Variants in POLE2 observed in about 807,000 individuals in gnomAD.
POLE2 encodes the protein DNA polymerase epsilon 2, accessory subunit.
Under a neutral mutation model 79.4 loss-of-function variants are expected in POLE2, and 56 were observed. That is an observed-to-expected ratio of 0.71 (90% confidence interval 0.57 to 0.88). POLE2 has a LOEUF of 0.88. POLE2 is among the 40% of genes least tolerant of loss of function. The pLI is 0.00. For synonymous variants in POLE2, 212 were observed against 214.0 expected (o/e 0.99, Z 0.08); for missense variants, 598 against 638.9 (o/e 0.94, Z 0.69).
At chr14:49,687,300 C>CCACACACACACACACACCACA (rs1887215557) in intron 1 of POLE2, among the ~76,000 whole-genome samples, 3 of 139,744 alleles carry the variant, frequency 2.1e-5, no homozygotes, top group Non-Finnish European at 3.1e-5. Context: ...TACACACACA[C>CCACACACACACACACACCACA]CACACACACA....
At position 49,663,396 on chromosome 14, in the gene POLE2, A is replaced by G; in HGVS notation, c.683-9T>C. On this transcript the variant is annotated splice_polypyrimidine_tract_variant and intron_variant, in intron 9 of 18. Coordinates refer to ENST00000216367, the MANE Select transcript of POLE2 (RefSeq NM_002692.4). ...TTGATCTTCAAACCAACCTGAAAAA[A>G]AGTAACGTCACTTTCATTTGTCTAA... The G allele has an allele frequency of 6.3e-7, 1 of 1,596,404 alleles. No homozygotes were observed. The highest frequency in any genetic ancestry group is 1.1e-5 in the South Asian group (1 of 89,250).
chr14:49,669,418 G>C, intron 6 of POLE2, 106 bp downstream of exon 6: 1 of 672,632 alleles, frequency 1.5e-6, no homozygotes, highest in Non-Finnish European at 2.6e-6. Flanking sequence ...TAGCTAAACA[G>C]TTACCAATAG....
chr14:49,679,774 C>T lies in POLE2; in HGVS notation c.196G>A (p.Val66Met), dbSNP rs368181624. ...CATTCCTGGACTGCTGCTTCCACCACAGATCGTTCAATCATGTTTGATGAC... is the reference window on the plus strand; with the variant it reads ...CATTCCTGGACTGCTGCTTCCACCATAGATCGTTCAATCATGTTTGATGAC... ...PLSSNMIERS[V>M]VEAAVQECSQ... Residue 66 changes from valine (V) to methionine (M), a missense_variant, in exon 3 of 19, where the codon GTG becomes ATG. Coordinates refer to ENST00000216367, the MANE Select transcript of POLE2 (RefSeq NM_002692.4). The T allele has an allele frequency of 7.5e-6, 12 of 1,604,140 alleles. No homozygotes were observed. The Admixed American group carries it at 8.4e-5, about 11-fold the overall frequency.
intron 5 of POLE2, among the ~76,000 whole-genome samples, chr14:49,670,508 T>A (rs549934888): frequency 6.6e-6 from 1 of 151,922 alleles, no homozygotes; most frequent in Non-Finnish European, 1.5e-5. Context: ...GTCCATATAG[T>A]TTAGGTAGGA....
intron 2 of POLE2, among the ~76,000 whole-genome samples, chr14:49,680,945 T>C (rs1052710895): frequency 1.3e-5 from 2 of 152,212 alleles, no homozygotes; most frequent in Admixed American, 6.5e-5. Flanking sequence ...TGTTCAACTG[T>C]AAAGGAATTT....
chr14:49,669,743 A>C, intron 5 of POLE2, 145 bp from the exon 6 acceptor site: 1 of 595,926 alleles, frequency 1.7e-6, no homozygotes, highest in East Asian at 2.8e-5. Context: ...ACATAATTTA[A>C]CATACAAATA....
rs769513508 is a variant in POLE2, at chr14:49,664,655, T to C, written c.653A>G (p.Tyr218Cys). ...TGCTAAGACAAAGCATGCCTCTGTGTATAAACCACTATGGAACTGGTACAC... is the reference window on the plus strand; with the variant it reads ...TGCTAAGACAAAGCATGCCTCTGTGCATAAACCACTATGGAACTGGTACAC... ...LSKAQFHSGL[Y>C]TEACFVLAEG... The change falls in exon 9 of 19, where the codon TAC becomes TGC. Residue 218 changes from tyrosine (Y) to cysteine (C), a missense_variant. Coordinates refer to ENST00000216367, the MANE Select transcript of POLE2 (RefSeq NM_002692.4). The C allele has an allele frequency of 1.9e-6, 3 of 1,593,696 alleles. No homozygotes were observed. In the South Asian group the frequency reaches 3.3e-5, roughly 18 times the overall value.
At chr14:49,643,714 T>C (rs1415227065) in intron 18 of POLE2, 44 bp from the exon 19 acceptor site, 7 of 986,032 alleles carry the variant, frequency 7.1e-6, no homozygotes, top group Non-Finnish European at 1.1e-5. Context: ...ACCTAAGTTG[T>C]ATACTTACTA....
At chr14:49,686,776 C>T (rs45482695) in intron 1 of POLE2, among the ~76,000 whole-genome samples, 2 of 152,200 alleles carry the variant, frequency 1.3e-5, no homozygotes, top group Non-Finnish European at 1.5e-5. Context: ...AAATTCTAAG[C>T]GAAAAGAAAG....
Position 49,676,085 on chromosome 14 carries a change from A to G in POLE2, c.246-1658T>C, listed in dbSNP as rs147938413. ...AATGTTATGCAGAAGTGTCCCAGGA[A>G]AAGTTACACAATGGAAAAAGAGCTC... On this transcript the variant is annotated intron_variant, in intron 3 of 18. Coordinates refer to ENST00000216367, the MANE Select transcript of POLE2 (RefSeq NM_002692.4). 6.3e-3 allele frequency among the ~76,000 whole-genome samples: 964 copies of G among 152,296 alleles called. 14 individuals carry two copies. Among genetic ancestry groups the G allele is most frequent in the African/African-American group, 0.022 (894 of 41,568 alleles).
rs35984833 is a variant in POLE2, at chr14:49,682,640, GAA to G, written c.169+951_169+952del. On this transcript the variant is annotated intron_variant, in intron 2 of 18. Coordinates refer to ENST00000216367, the MANE Select transcript of POLE2 (RefSeq NM_002692.4). ...CGACAGTGCAAGACTCCTTCTCAGG[GAA>G]AAAAAAAAAAAAAAAAAAAAAAAAG... Among the ~76,000 whole-genome samples, 130 of 60,962 alleles carry G rather than the reference GAA, an allele frequency of 2.1e-3. 3 individuals are homozygous for G. The highest frequency in any genetic ancestry group is 5.8e-3 in the African/African-American group (101 of 17,432). 40.0% of individuals were successfully genotyped at this position (60,962 alleles called of 152,430 possible). A position where few individuals can be genotyped will look rare whatever the true frequency, so the allele number is the denominator to read the frequency against.
chr14:49,667,864 T>C (rs1885597250), intron 6 of POLE2, among the ~76,000 whole-genome samples: 1 of 152,118 alleles, frequency 6.6e-6, no homozygotes. Context: ...AAATAATTCA[T>C]GTTTACTATA....
At chr14:49,648,181 C>T (rs559396364) in intron 17 of POLE2, among the ~76,000 whole-genome samples, 87 of 152,314 alleles carry the variant, frequency 5.7e-4, no homozygotes, top group African/African-American at 1.9e-3. Flanking sequence ...GAAACTCTCA[C>T]GTGGCTGAGC....
chr14:49,683,659 A>T lies in POLE2; in HGVS notation c.103T>A (p.Ser35Thr). ...TCTTCAAGCTCTAATTCACTGATAG[A>T]CTGAAGAGCTTCTGTGAGGTACTTA... is the stretch of plus-strand genomic sequence containing the variant. ...AIKYLTEALQ[S>T]ISELELEDKL... The change falls in exon 2 of 19, where the codon TCT (serine) becomes ACT (threonine). Residue 35 changes from serine (S) to threonine (T), a missense_variant. By Grantham distance (58) the Ser-to-Thr change is moderately conservative. Coordinates refer to ENST00000216367, the MANE Select transcript of POLE2 (RefSeq NM_002692.4). 6.3e-7 allele frequency: 1 copy of T among 1,592,266 alleles called. No individual in the cohort carries two copies. The highest frequency in any genetic ancestry group is 1.7e-5 in the Admixed American group (1 of 59,680).
chr14:49,650,353 C>T lies in POLE2; in HGVS notation c.1409G>A (p.Arg470Lys). Reference sequence around the variant, plus strand: ...AAGTAGATCGGGCACAGGATACACTCTCAAAGCATAGTCATATGCCCAATA... The same window carrying T: ...AAGTAGATCGGGCACAGGATACACTTTCAAAGCATAGTCATATGCCCAATA... ...PVYWAYDYAL[R>K]VYPVPDLLVI... Residue 470 changes from arginine to lysine, a missense_variant, in exon 17 of 19, where the codon AGA becomes AAA. Coordinates refer to ENST00000216367, the MANE Select transcript of POLE2 (RefSeq NM_002692.4). 1 of 1,611,000 alleles carries T rather than the reference C, an allele frequency of 6.2e-7. No individual in the cohort carries two copies. The highest frequency in any genetic ancestry group is 1.1e-5 in the South Asian group (1 of 90,754).
intron 10 of POLE2, among the ~76,000 whole-genome samples, chr14:49,656,885 G>A (rs986458436): frequency 2.0e-5 from 3 of 152,140 alleles, no homozygotes; most frequent in East Asian, 1.9e-4. Flanking sequence ...GAGGTGGGGG[G>A]ATTGCTTGAG....
chr14:49,677,370 G>T, intron 3 of POLE2: 1 of 500,052 alleles, frequency 2.0e-6, no homozygotes, highest in Non-Finnish European at 3.7e-6. Context: ...GCTCCTGCTG[G>T]GTATCTACAG....
chr14:49,652,404 C>T (rs1884336927), intron 15 of POLE2, among the ~76,000 whole-genome samples: 1 of 151,782 alleles, frequency 6.6e-6, no homozygotes, highest in South Asian at 2.1e-4. Flanking sequence ...AGCAGGGCTC[C>T]TCAACCTCCA....
At chr14:49,660,555 C>A (rs777556224) in intron 10 of POLE2, among the ~76,000 whole-genome samples, 1 of 151,918 alleles carries the variant, frequency 6.6e-6, no homozygotes, top group Non-Finnish European at 1.5e-5. Context: ...AGCATACTGG[C>A]TTGAGTCGGA....
Sources: gnomAD v4.1 joint callset for allele counts (sites outside exome capture counted in the v4.1 genomes callset) on GRCh38, gnomAD v4.1.1 for gene constraint, MANE v1.5 for transcripts, NCBI Gene and HGNC (gene_info 2026-07-23, HGNC 2026-07-21) for gene names.